GRID2: variants seen among roughly 807,000 people sequenced by gnomAD.
GRID2 encodes glutamate receptor ionotropic, delta-2.
In GRID2, 33 loss-of-function variants were observed where a neutral mutation model predicts 114.8. The observed-to-expected ratio is 0.29, with a 90% CI of 0.22 to 0.38. The LOEUF (loss-of-function observed/expected upper bound fraction) is 0.38, where lower values mean the gene tolerates loss of function less well. Among genes scored for constraint, GRID2 ranks in the 10% least tolerant of loss-of-function variants. GRID2 has a pLI of 1.00. For missense variants in GRID2, 1,184 were observed against 1,257.7 expected (o/e 0.94, Z 0.89); for synonymous variants, 505 against 449.9 (o/e 1.12, Z -1.55).
chr4:92,801,330 G>A (rs140104883), intron 2 of GRID2, among the ~76,000 whole-genome samples: 10 of 151,950 alleles, frequency 6.6e-5, no homozygotes, highest in African/African-American at 2.4e-4. Context: ...TAAGTTTATG[G>A]CATATTAATC....
chr4:93,736,940 G>T (rs970502641), intron 14 of GRID2, among the ~76,000 whole-genome samples: 1 of 151,322 alleles, frequency 6.6e-6, no homozygotes, highest in Non-Finnish European at 1.5e-5. Context: ...GGACTTGAAA[G>T]GGTCTCCAGA....
At chr4:93,438,079 T>C (rs1721271475) in intron 10 of GRID2, among the ~76,000 whole-genome samples, 1 of 152,122 alleles carries the variant, frequency 6.6e-6, no homozygotes, top group South Asian at 2.1e-4. Flanking sequence ...CACAGCAGAA[T>C]GCCCTAAATT....
chr4:93,787,523 T>C (rs1402254866), intron 1 of GRID2, among the ~76,000 whole-genome samples: 1 of 152,186 alleles, frequency 6.6e-6, no homozygotes, highest in Non-Finnish European at 1.5e-5. Flanking sequence ...GTTGAGATCC[T>C]TTCCCCTAAC....
chr4:92,347,022 C>T (rs1316902831), intron 1 of GRID2, among the ~76,000 whole-genome samples: 1 of 152,014 alleles, frequency 6.6e-6, no homozygotes, highest in Non-Finnish European at 1.5e-5. Context: ...TTCTGCTTTC[C>T]TGCTTATATG....
chr4:92,387,728 G>T (rs1418030868), intron 1 of GRID2, among the ~76,000 whole-genome samples: 1 of 151,970 alleles, frequency 6.6e-6, no homozygotes, highest in Non-Finnish European at 1.5e-5. Flanking sequence ...GGAGATGATA[G>T]ATTACCTATT....
chr4:93,184,196 A>C (rs1740172975), intron 4 of GRID2, among the ~76,000 whole-genome samples: 1 of 152,170 alleles, frequency 6.6e-6, no homozygotes, highest in South Asian at 2.1e-4. Context: ...GGCAGGTTCC[A>C]GTAGAGTGGC....
intron 2 of GRID2, among the ~76,000 whole-genome samples, chr4:93,006,849 C>CA (rs1194200543): frequency 1.3e-5 from 2 of 151,014 alleles, no homozygotes; most frequent in East Asian, 3.9e-4. Flanking sequence ...AAACAGACAG[C>CA]AAAAATTTTC....
intron 2 of GRID2, among the ~76,000 whole-genome samples, chr4:92,850,922 G>A (rs2149422374): frequency 6.6e-6 from 1 of 151,940 alleles, no homozygotes; most frequent in African/African-American, 2.4e-5. Flanking sequence ...TTTATTTTAG[G>A]CACCAATAGG....
rs375021383 is a variant in GRID2, at chr4:92,443,612, TCTC to T, written c.88+138872_88+138874del. 3.7e-4 allele frequency among the ~76,000 whole-genome samples: 56 copies of T among 151,946 alleles called. 1 individual carries two copies. The East Asian group carries it at 5.1e-3, about 14-fold the overall frequency. On this transcript the variant is annotated intron_variant, in intron 1 of 15. Coordinates refer to ENST00000282020, the MANE Select transcript of GRID2 (RefSeq NM_001510.4). ...GAGATACGAGGTTGGGGTACTTGCC[TCTC>T]CTCTAGAAAAGCGGGACTTGCCGCT...
chr4:92,690,303 GAT>G (rs1175664448), intron 2 of GRID2, among the ~76,000 whole-genome samples: 2 of 152,136 alleles, frequency 1.3e-5, no homozygotes, highest in Non-Finnish European at 2.9e-5. Context: ...TGTCCTAAGT[GAT>G]AGAGAAGTCT....
chr4:92,700,486 G>T (rs941758014), intron 2 of GRID2, among the ~76,000 whole-genome samples: 4 of 152,142 alleles, frequency 2.6e-5, no homozygotes, highest in Non-Finnish European at 5.9e-5. Context: ...GGGGAAATGT[G>T]CATAGTAGGC....
intron 8 of GRID2, among the ~76,000 whole-genome samples, chr4:93,323,111 A>C (rs1314695671): frequency 6.6e-6 from 1 of 152,156 alleles, no homozygotes; most frequent in African/African-American, 2.4e-5. Flanking sequence ...TTCGTCAGGA[A>C]GTCCTTGCCC....
intron 4 of GRID2, among the ~76,000 whole-genome samples, chr4:93,137,820 A>G (rs1375956079): frequency 1.3e-5 from 2 of 152,102 alleles, no homozygotes; most frequent in African/African-American, 4.8e-5. Context: ...ATCTACCTCA[A>G]GAGTGATGTT....
chr4:92,970,442 A>C (rs1482219453), intron 2 of GRID2, among the ~76,000 whole-genome samples: 2 of 151,960 alleles, frequency 1.3e-5, no homozygotes, highest in Non-Finnish European at 2.9e-5. Context: ...TTTTGCGTCA[A>C]CCTAATAATA....
At chr4:92,748,673 ATTATTT>A (rs1002458086) in intron 2 of GRID2, among the ~76,000 whole-genome samples, 2 of 140,990 alleles carry the variant, frequency 1.4e-5, no homozygotes, top group African/African-American at 5.2e-5. Context: ...TATTATTATT[ATTATTT>A]GAGATGGAGT....
At chr4:92,430,984 T>G (rs1173580386) in intron 1 of GRID2, among the ~76,000 whole-genome samples, 1 of 152,170 alleles carries the variant, frequency 6.6e-6, no homozygotes, top group East Asian at 1.9e-4. Flanking sequence ...AATTTGTTTA[T>G]CAGTTCTAAT....
rs573536122 is a variant in GRID2, at chr4:92,654,217, C to T, written c.244+63931C>T. Reference sequence around the variant, plus strand: ...GGCAGATTCAGTCTTGGTGAGGGCCCACTTCCTGACTCTCCTATCCTCACA... The same window carrying T: ...GGCAGATTCAGTCTTGGTGAGGGCCTACTTCCTGACTCTCCTATCCTCACA... On this transcript the variant is annotated intron_variant, in intron 2 of 15. Coordinates refer to ENST00000282020, the MANE Select transcript of GRID2 (RefSeq NM_001510.4). 9.7e-4 allele frequency among the ~76,000 whole-genome samples: 147 copies of T among 152,014 alleles called. No homozygotes were observed. The Middle Eastern group carries it at 0.01, about 11-fold the overall frequency.
intron 2 of GRID2, among the ~76,000 whole-genome samples, chr4:92,840,805 A>G (rs914927869): frequency 6.6e-6 from 1 of 152,096 alleles, no homozygotes; most frequent in Non-Finnish European, 1.5e-5. Flanking sequence ...TCAAAGAAAT[A>G]TTTGAAGCTC....
chr4:93,557,477 C>A (rs1030032797), intron 13 of GRID2, among the ~76,000 whole-genome samples: 7 of 151,976 alleles, frequency 4.6e-5, no homozygotes, highest in Admixed American at 4.6e-4. Flanking sequence ...CAACAAAGAT[C>A]AAAAAAGACA....
Sources: gnomAD v4.1 joint callset for allele counts (sites outside exome capture counted in the v4.1 genomes callset) on GRCh38, gnomAD v4.1.1 for gene constraint, MANE v1.5 for transcripts, NCBI Gene and HGNC (gene_info 2026-07-23, HGNC 2026-07-21) for gene names.